ST8SIA6: variants seen among roughly 807,000 people sequenced by gnomAD.
The protein encoded by ST8SIA6 is alpha-2,8-sialyltransferase 8F.
ST8SIA6 carries 39 observed loss-of-function variants against 33.6 expected under a neutral mutation model. The ratio of observed to expected loss-of-function variants is 1.16; its 90% CI spans 0.90 to 1.52. The LOEUF is 1.52. ST8SIA6 is among the 40% of genes most tolerant of loss of function. The pLI, the probability that ST8SIA6 is intolerant of heterozygous loss-of-function variation, is 0.00. For missense variants in ST8SIA6, 441 were observed against 443.8 expected (o/e 0.99, Z 0.06); for synonymous variants, 172 against 167.2 (o/e 1.03, Z -0.22).
At chr10:17,363,509 G>C (rs1378313766) in intron 3 of ST8SIA6, among the ~76,000 whole-genome samples, 2 of 152,134 alleles carry the variant, frequency 1.3e-5, no homozygotes, top group Non-Finnish European at 2.9e-5. Context: ...CCCTCCTTTT[G>C]GCTGACTCGT....
At chr10:17,387,282 GCT>G (rs1274342796) in intron 3 of ST8SIA6, among the ~76,000 whole-genome samples, 1 of 150,192 alleles carries the variant, frequency 6.7e-6, no homozygotes, top group Non-Finnish European at 1.5e-5. Flanking sequence ...ACGGAGTTTC[GCT>G]CTCGTCACCC....
chr10:17,341,917 A>AAAAAC (rs1564410295), intron 4 of ST8SIA6, among the ~76,000 whole-genome samples: 1 of 150,914 alleles, frequency 6.6e-6, no homozygotes, highest in African/African-American at 2.4e-5. Flanking sequence ...AAAAAAAAAA[A>AAAAAC]AAAACAAAAA....
intron 4 of ST8SIA6, among the ~76,000 whole-genome samples, chr10:17,333,016 C>T (rs774389456): frequency 4.6e-5 from 7 of 151,988 alleles, no homozygotes; most frequent in East Asian, 1.9e-4. Flanking sequence ...CTGTTCACTC[C>T]GATGCTAGCT....
rs990890478 is a variant in ST8SIA6, at chr10:17,453,535, C to T, written c.200+24G>A. ...GGCTCGCAGCTCCCGAGCCCCAGTC[C>T]GCCCGCGCTGGGCGCCGCTGTACCT... is the stretch of plus-strand genomic sequence containing the variant. On this transcript the variant is annotated intron_variant, in intron 2 of 7. Coordinates refer to ENST00000377602, the MANE Select transcript of ST8SIA6 (RefSeq NM_001004470.3). The T allele has an allele frequency of 4.7e-6, 6 of 1,282,182 alleles. No individual in the cohort carries two copies. In the African/African-American group the frequency reaches 6.2e-5, roughly 13 times the overall value. The allele number at this position is 1,282,182 out of a possible 1,614,324, so 79.4% of individuals were successfully genotyped here.
intron 2 of ST8SIA6, among the ~76,000 whole-genome samples, chr10:17,437,173 A>G (rs1220939929): frequency 6.6e-6 from 1 of 152,012 alleles, no homozygotes; most frequent in African/African-American, 2.4e-5. Context: ...TTTCACATAT[A>G]TTTGAGACAG....
At chr10:17,451,692 A>C (rs1351789671) in intron 2 of ST8SIA6, among the ~76,000 whole-genome samples, 1 of 152,200 alleles carries the variant, frequency 6.6e-6, no homozygotes, top group African/African-American at 2.4e-5. Context: ...TCATGTGGGA[A>C]GATCAGACCA....
chr10:17,365,404 C>A (rs985801226), intron 3 of ST8SIA6, among the ~76,000 whole-genome samples: 7 of 152,126 alleles, frequency 4.6e-5, no homozygotes, highest in African/African-American at 1.7e-4. Flanking sequence ...TGGTTTCATC[C>A]TCTTCAGTTC....
chr10:17,454,404 C>T lies in ST8SIA6; in HGVS notation c.-149G>A, dbSNP rs906672379. ...CGTTCACAGGCGGCAGCGAGGGGCG[C>T]CCGCAGCCCACCCGGCAGAGTCTCC... is the stretch of plus-strand genomic sequence containing the variant. On this transcript the variant is annotated 5_prime_UTR_variant, in exon 1 of 8. Coordinates refer to ENST00000377602, the MANE Select transcript of ST8SIA6 (RefSeq NM_001004470.3). This position sits in a 1 kb window ranked among gnomAD's most constrained non-coding sequence, Gnocchi z 4.1. 1.3e-5 allele frequency: 2 copies of T among 158,840 alleles called. No homozygotes were observed. The highest frequency in any genetic ancestry group is 2.8e-5 in the Non-Finnish European group (2 of 72,614). 9.8% of individuals were successfully genotyped at this position (158,840 alleles called of 1,614,324 possible). A position where few individuals can be genotyped will look rare whatever the true frequency, so the allele number is the denominator to read the frequency against.
At chr10:17,383,572 ACTT>A (rs1850234297) in intron 3 of ST8SIA6, among the ~76,000 whole-genome samples, 1 of 152,148 alleles carries the variant, frequency 6.6e-6, no homozygotes, top group Non-Finnish European at 1.5e-5. Context: ...CTGTCTTAAA[ACTT>A]CTTTTTCATC....
At chr10:17,397,200 G>A (rs562508933) in intron 2 of ST8SIA6, among the ~76,000 whole-genome samples, 12 of 150,226 alleles carry the variant, frequency 8.0e-5, no homozygotes, top group East Asian at 7.9e-4. Context: ...CATTTTCTCC[G>A]CGAGGGGTTG....
At chr10:17,430,300 G>A (rs929036381) in intron 2 of ST8SIA6, among the ~76,000 whole-genome samples, 1 of 152,120 alleles carries the variant, frequency 6.6e-6, no homozygotes, top group Non-Finnish European at 1.5e-5. Flanking sequence ...CAACTCATTG[G>A]ATGGGCACTT....
At position 17,316,619 on chromosome 10, in the gene ST8SIA6, A is replaced by G. The variant is rs1847785983; in HGVS notation, c.*4259T>C. The stretch of plus-strand genomic sequence containing the variant: ...TTCCAAAATGATTCAATCAGCTTAT[A>G]CTTCCACACTTGAAGTTAATGACCT... On this transcript the variant is annotated 3_prime_UTR_variant, in exon 8 of 8. Coordinates refer to ENST00000377602, the MANE Select transcript of ST8SIA6 (RefSeq NM_001004470.3). Among the ~76,000 whole-genome samples, 1 of 152,114 alleles carries G rather than the reference A, an allele frequency of 6.6e-6. No homozygotes were observed. The highest frequency in any genetic ancestry group is 1.5e-5 in the Non-Finnish European group (1 of 67,972).
At chr10:17,331,379 C>G in intron 5 of ST8SIA6, 29 bp downstream of exon 5, 1 of 1,587,572 alleles carries the variant, frequency 6.3e-7, no homozygotes, top group Non-Finnish European at 8.5e-7. Flanking sequence ...AATGGTAACA[C>G]AAATAACCCA....
At position 17,323,094 on chromosome 10, in the gene ST8SIA6, C is replaced by T. The variant is rs1188616641; in HGVS notation, c.699G>A (p.Val233=). 1.4e-5 allele frequency: 23 copies of T among 1,613,622 alleles called. No homozygotes were observed. The highest frequency in any genetic ancestry group is 1.9e-5 in the Non-Finnish European group (22 of 1,179,756). Residue 233 remains valine (V), a synonymous_variant, in exon 7 of 8, where the codon GTG becomes GTA. Coordinates refer to ENST00000377602, the MANE Select transcript of ST8SIA6 (RefSeq NM_001004470.3). ...GAGTTATGATGCTTGGATTTATAGT[C>T]ACAAGATTTGTTTTACTGCCAACAT... is the stretch of plus-strand genomic sequence containing the variant. ...SKDVGSKTNL[V]TINPSIITLK...
At chr10:17,341,680 C>T (rs1848676722) in intron 4 of ST8SIA6, among the ~76,000 whole-genome samples, 1 of 151,850 alleles carries the variant, frequency 6.6e-6, no homozygotes, top group Non-Finnish European at 1.5e-5. Context: ...GCAGGAGGAT[C>T]ACAAGGTCAG....
At chr10:17,369,320 C>A (rs1849659076) in intron 3 of ST8SIA6, among the ~76,000 whole-genome samples, 1 of 152,146 alleles carries the variant, frequency 6.6e-6, no homozygotes, top group Non-Finnish European at 1.5e-5. Flanking sequence ...TTGATTTCAT[C>A]TTGGATGCAC....
intron 6 of ST8SIA6, among the ~76,000 whole-genome samples, chr10:17,324,948 A>G (rs908553583): frequency 6.9e-6 from 1 of 145,804 alleles, no homozygotes; most frequent in Non-Finnish European, 1.5e-5. Flanking sequence ...TTATACATAT[A>G]TAACACATAA....
intron 2 of ST8SIA6, among the ~76,000 whole-genome samples, chr10:17,437,980 C>T (rs1852343768): frequency 6.6e-6 from 1 of 151,730 alleles, no homozygotes; most frequent in African/African-American, 2.4e-5. Flanking sequence ...TCATCCACCT[C>T]AGCCTCCTAA....
chr10:17,316,011 T>C lies in ST8SIA6; in HGVS notation c.*4867A>G, dbSNP rs556138067. Among the ~76,000 whole-genome samples the C allele has an allele frequency of 3.0e-4, 45 of 152,050 alleles. No individual in the cohort carries two copies. The highest frequency in any genetic ancestry group is 5.6e-4 in the Non-Finnish European group (38 of 67,918). ...TGCTCTTATATATAATGCAACCTTATATAAGTTACTTACAATTTTGAGTCA... is the reference window on the plus strand; with the variant it reads ...TGCTCTTATATATAATGCAACCTTACATAAGTTACTTACAATTTTGAGTCA... On this transcript the variant is annotated 3_prime_UTR_variant, in exon 8 of 8. Coordinates refer to ENST00000377602, the MANE Select transcript of ST8SIA6 (RefSeq NM_001004470.3).
Sources: gnomAD v4.1 joint callset for allele counts (sites outside exome capture counted in the v4.1 genomes callset) on GRCh38, gnomAD v4.1.1 for gene constraint, Gnocchi (gnomAD v3.1) non-coding constraint, MANE v1.5 for transcripts, NCBI Gene and HGNC (gene_info 2026-07-23, HGNC 2026-07-21) for gene names.